CHRNA7: variants seen among roughly 807,000 people sequenced by gnomAD.
CHRNA7 encodes cholinergic receptor nicotinic alpha 7 subunit, also known as neuronal acetylcholine receptor subunit alpha-7.
In CHRNA7, 17 loss-of-function variants were observed where a neutral mutation model predicts 48.0. The ratio of observed to expected loss-of-function variants is 0.35; its 90% CI spans 0.24 to 0.53. CHRNA7 has a LOEUF of 0.53. CHRNA7 is among the 20% of genes least tolerant of loss of function. The pLI is 0.92. For missense variants in CHRNA7, 155 were observed against 577.7 expected, an observed-to-expected ratio of 0.27 and a Z score of 7.50; for synonymous variants, 75 against 242.3, an observed-to-expected ratio of 0.31 and a Z score of 6.41.
chr15:32,106,309 T>C (rs1023444128), intron 3 of CHRNA7, among the ~76,000 whole-genome samples: 4 of 152,208 alleles, frequency 2.6e-5, no homozygotes, highest in Admixed American at 1.3e-4. Flanking sequence ...ATCCACATAA[T>C]CTTTTCTCTA....
At chr15:32,040,852 G>T (rs1414327381) in intron 2 of CHRNA7, among the ~76,000 whole-genome samples, 1 of 151,402 alleles carries the variant, frequency 6.6e-6, no homozygotes, top group Admixed American at 6.6e-5. Flanking sequence ...TTTTTTCAAG[G>T]CAGGTCTGCT....
intron 2 of CHRNA7, among the ~76,000 whole-genome samples, chr15:32,036,778 T>G (rs1478669081): frequency 6.6e-6 from 1 of 151,762 alleles, no homozygotes; most frequent in Non-Finnish European, 1.5e-5. Flanking sequence ...CAGTGGGTTT[T>G]TTTTTTTTTT....
chr15:32,059,419 C>T (rs1441950934), intron 2 of CHRNA7, among the ~76,000 whole-genome samples: 1 of 152,038 alleles, frequency 6.6e-6, no homozygotes, highest in African/African-American at 2.4e-5. Flanking sequence ...ATGTTTTACT[C>T]CATTGCAGTT....
Position 32,149,501 on chromosome 15 carries a change from A to C in CHRNA7, c.351-4406A>C, listed in dbSNP as rs1566876103. On this transcript the variant is annotated intron_variant, in intron 4 of 9. Transcript: ENST00000306901. The surrounding 1 kb of genome is among the most constrained non-coding windows in gnomAD (Gnocchi z 4.6). ...GTTTTCAGCAACAGGGCCTTTCTTC[A>C]AACTCATCTTATCTCCACCCCTAAT... is the stretch of plus-strand genomic sequence containing the variant. 6.6e-6 allele frequency among the ~76,000 whole-genome samples: 1 copy of C among 152,212 alleles called. No homozygotes were observed. The highest frequency in any genetic ancestry group is 1.5e-5 in the Non-Finnish European group (1 of 68,038).
intron 2 of CHRNA7, among the ~76,000 whole-genome samples, chr15:32,059,353 G>T (rs142241240): frequency 1.5e-3 from 228 of 152,250 alleles, no homozygotes; most frequent in African/African-American, 5.3e-3. Context: ...AATTGAAATA[G>T]GTGACCAGTG....
chr15:32,047,172 A>G (rs2049566749), intron 2 of CHRNA7, among the ~76,000 whole-genome samples: 1 of 135,326 alleles, frequency 7.4e-6, no homozygotes, highest in East Asian at 2.6e-4. Flanking sequence ...TTGGTTCCAT[A>G]TGAACTTTAA....
At chr15:32,115,473 G>A (rs920305965) in intron 4 of CHRNA7, among the ~76,000 whole-genome samples, 2 of 151,968 alleles carry the variant, frequency 1.3e-5, no homozygotes, top group South Asian at 4.2e-4. Context: ...CAGCCCCCAG[G>A]TATGTGCTGA....
intron 4 of CHRNA7, among the ~76,000 whole-genome samples, chr15:32,141,227 G>C (rs2051372610): frequency 6.6e-6 from 1 of 152,160 alleles, no homozygotes; most frequent in Non-Finnish European, 1.5e-5. Flanking sequence ...AGATCAGATG[G>C]TTGTAGATGT....
intron 4 of CHRNA7, among the ~76,000 whole-genome samples, chr15:32,114,053 TATATATACATATATATATATATAC>T (rs2050817581): frequency 1.4e-4 from 5 of 35,022 alleles, no homozygotes; most frequent in African/African-American, 3.0e-4. Context: ...TGTATATATA[TATATATACATATATATATATATAC>T]ACATACATAC....
chr15:32,101,265 A>C, intron 2 of CHRNA7, 38 bp from the exon 3 acceptor site: 1 of 1,571,820 alleles, frequency 6.4e-7, no homozygotes, highest in Non-Finnish European at 8.6e-7. Context: ...TTTGTAAACC[A>C]TATTATTTAT....
Position 32,049,966 on chromosome 15 carries a change from T to C in CHRNA7, c.195+18929T>C, listed in dbSNP as rs559856623. On this transcript the variant is annotated intron_variant, in intron 2 of 9. Coordinates refer to ENST00000306901, the MANE Select transcript of CHRNA7 (RefSeq NM_000746.6). ...AATTCTTTTCTTTGAGAATGTTGAA[T>C]ATTGGCCCCCACTCTCTTCTGGCTT... 3.9e-5 allele frequency among the ~76,000 whole-genome samples: 6 copies of C among 152,316 alleles called. No individual in the cohort carries two copies. The East Asian group carries it at 1.2e-3, about 29-fold the overall frequency.
intron 4 of CHRNA7, among the ~76,000 whole-genome samples, chr15:32,128,865 C>G (rs1048826279): frequency 2.0e-5 from 3 of 151,882 alleles, no homozygotes; most frequent in Non-Finnish European, 4.4e-5. Flanking sequence ...CAGTCTTTCA[C>G]TATTAAGTAT....
intron 2 of CHRNA7, among the ~76,000 whole-genome samples, chr15:32,087,490 C>T (rs1273969477): frequency 1.3e-5 from 2 of 152,094 alleles, no homozygotes; most frequent in Non-Finnish European, 2.9e-5. Context: ...GGTTCATTGC[C>T]ATTGGGGCGT....
At chr15:32,148,322 T>G (rs1227399767) in intron 4 of CHRNA7, among the ~76,000 whole-genome samples, 4 of 152,198 alleles carry the variant, frequency 2.6e-5, no homozygotes, top group Non-Finnish European at 4.4e-5. Flanking sequence ...CCTGGCTTTT[T>G]CTCTCAAGGT....
chr15:32,137,208 C>T (rs540747031), intron 4 of CHRNA7, among the ~76,000 whole-genome samples: 70 of 151,992 alleles, frequency 4.6e-4, no homozygotes, highest in Middle Eastern at 6.8e-3. Context: ...CAATATATCT[C>T]TATGCATTTA....
At chr15:32,072,721 G>A (rs1210127367) in intron 2 of CHRNA7, among the ~76,000 whole-genome samples, 1 of 152,194 alleles carries the variant, frequency 6.6e-6, no homozygotes, top group African/African-American at 2.4e-5. Flanking sequence ...TGGCACAGAG[G>A]GCTCCAGGTA....
rs537937090 is a variant in CHRNA7 at position 32,149,006 on chromosome 15, C to T, written c.351-4901C>T. Among the ~76,000 whole-genome samples, 4 of 152,172 alleles carry T rather than the reference C, an allele frequency of 2.6e-5. No individual in the cohort carries two copies. The highest frequency in any genetic ancestry group is 1.9e-4 in the East Asian group (1 of 5,182). On this transcript the variant is annotated intron_variant, in intron 4 of 9. Coordinates refer to ENST00000306901, the MANE Select transcript of CHRNA7 (RefSeq NM_000746.6). This position sits in a 1 kb window ranked among gnomAD's most constrained non-coding sequence, Gnocchi z 4.6. Reference sequence around the variant, plus strand: ...TGAGTTACATTTGCCCCAGTCACCCCCTCCGTGGTGAGGGTAGGGCTCAGA... The same window carrying T: ...TGAGTTACATTTGCCCCAGTCACCCTCTCCGTGGTGAGGGTAGGGCTCAGA...
chr15:32,112,559 C>G (rs2050780943), intron 4 of CHRNA7, among the ~76,000 whole-genome samples: 1 of 152,206 alleles, frequency 6.6e-6, no homozygotes, highest in African/African-American at 2.4e-5. Context: ...AGTAAAATTT[C>G]TCGTTAAACT....
chr15:32,086,989 C>T (rs1001161065), intron 2 of CHRNA7, among the ~76,000 whole-genome samples: 1 of 152,104 alleles, frequency 6.6e-6, no homozygotes, highest in African/African-American at 2.4e-5. Flanking sequence ...TATTTATATA[C>T]TGTACTCTTT....
Sources: allele counts gnomAD v4.1 joint callset (sites outside exome capture counted in the v4.1 genomes callset), GRCh38; gene constraint gnomAD v4.1.1; non-coding constraint Gnocchi (gnomAD v3.1); transcripts MANE v1.5; gene names NCBI Gene and HGNC (gene_info 2026-07-23, HGNC 2026-07-21).